Variants in ZNF280C observed in about 807,000 individuals in gnomAD.
The protein encoded by ZNF280C is zinc finger protein 280C, also known as suppressor of hairy wing homolog 3.
Under a neutral mutation model 53.6 loss-of-function variants are expected in ZNF280C, and 14 were observed. The observed-to-expected ratio is 0.26, with a 90% CI of 0.17 to 0.41. The LOEUF (loss-of-function observed/expected upper bound fraction) is 0.41. Ranked by LOEUF, ZNF280C falls within the 10% of genes least tolerant of loss-of-function variation. The pLI, the probability that ZNF280C is intolerant of heterozygous loss-of-function variation, is 1.00. For synonymous variants in ZNF280C, 203 were observed against 181.1 expected (o/e 1.12, Z -0.97); for missense variants, 416 against 547.1 (o/e 0.76, Z 2.39).
At chrX:130,243,973 T>C in intron 3 of ZNF280C, 108 bp from the exon 4 acceptor site, 1 of 491,238 alleles carries the variant, frequency 2.0e-6, no homozygotes, top group Non-Finnish European at 3.1e-6. Context: ...GAAGTATATT[T>C]CTTTCCTTTA....
intron 6 of ZNF280C, among the ~76,000 whole-genome samples, chrX:130,237,167 T>C (rs1412013084): frequency 8.9e-6 from 1 of 111,926 alleles, no homozygotes; most frequent in Non-Finnish European, 1.9e-5. Context: ...AAGTTGGTTC[T>C]TTTTCCACCG....
chrX:130,265,716 C>G (rs1173056856), intron 1 of ZNF280C, among the ~76,000 whole-genome samples: 2 of 112,176 alleles, frequency 1.8e-5, no homozygotes, highest in East Asian at 5.5e-4. Context: ...GTTTTTCTAT[C>G]TGTAAAACGA....
At chrX:130,205,196 G>A in intron 17 of ZNF280C, 43 bp from the exon 18 acceptor site, 1 of 1,136,315 alleles carries the variant, frequency 8.8e-7, no homozygotes, top group Non-Finnish European at 1.2e-6. Flanking sequence ...CATATATGAA[G>A]AGTGAGACTA....
At chrX:130,247,170 G>A (rs181199120) in intron 2 of ZNF280C, among the ~76,000 whole-genome samples, 165 bp from the exon 3 acceptor site, 33 of 112,317 alleles carry the variant, frequency 2.9e-4, no homozygotes, top group Non-Finnish European at 5.8e-4. Flanking sequence ...TTGCCCAGGC[G>A]TGATCTCGGC....
intron 8 of ZNF280C, among the ~76,000 whole-genome samples, chrX:130,232,943 A>T (rs745419750): frequency 5.4e-5 from 6 of 111,808 alleles, no homozygotes; most frequent in Non-Finnish European, 1.1e-4. Context: ...AGCAATCTAA[A>T]TGTCTATTAA....
intron 15 of ZNF280C, among the ~76,000 whole-genome samples, chrX:130,213,536 T>C (rs781751783): frequency 1.5e-4 from 17 of 112,281 alleles, no homozygotes; most frequent in Admixed American, 8.5e-4. Context: ...ATAGCAAGAC[T>C]AAGCATGCCT....
intron 6 of ZNF280C, 54 bp downstream of exon 6, chrX:130,239,528 G>A: frequency 1.4e-6 from 1 of 705,926 alleles, no homozygotes; most frequent in Non-Finnish European, 2.2e-6. Flanking sequence ...AATTCCATAT[G>A]TATATTCGAC....
chrX:130,247,662 T>C (rs1331805228), intron 2 of ZNF280C, among the ~76,000 whole-genome samples: 5 of 111,476 alleles, frequency 4.5e-5, no homozygotes, highest in Non-Finnish European at 9.4e-5. Context: ...GTTTTAGTTA[T>C]AGGACTAGGA....
intron 13 of ZNF280C, among the ~76,000 whole-genome samples, chrX:130,217,527 C>T (rs148081981): frequency 9.0e-6 from 1 of 111,585 alleles, no homozygotes; most frequent in Non-Finnish European, 1.9e-5. Flanking sequence ...GTGATGTTTG[C>T]CCAAATCTGA....
intron 2 of ZNF280C, among the ~76,000 whole-genome samples, chrX:130,252,440 G>A (rs770119805): frequency 9.0e-6 from 1 of 111,460 alleles, no homozygotes; most frequent in Non-Finnish European, 1.9e-5. Context: ...CTCAATAAAC[G>A]GTCAGGTGTG....
intron 12 of ZNF280C, among the ~76,000 whole-genome samples, chrX:130,222,276 C>CACACACACACA (rs2032173349): frequency 2.9e-5 from 2 of 69,937 alleles, no homozygotes; most frequent in Admixed American, 3.3e-4. Flanking sequence ...CATTCAGACA[C>CACACACACACA]CACACACACA....
intron 8 of ZNF280C, among the ~76,000 whole-genome samples, chrX:130,234,323 C>T (rs903545778): frequency 1.1e-4 from 12 of 111,207 alleles, no homozygotes; most frequent in African/African-American, 3.9e-4. Context: ...AAAGGGTGCA[C>T]CCACAATGAA....
intron 2 of ZNF280C, among the ~76,000 whole-genome samples, chrX:130,256,908 AAAAG>A (rs1249575554): frequency 2.8e-5 from 3 of 107,047 alleles, no homozygotes; most frequent in African/African-American, 1.0e-4. Context: ...AAAATAAAAT[AAAAG>A]AAAGAGGGCC....
At chrX:130,245,933 C>T (rs770422487) in intron 3 of ZNF280C, among the ~76,000 whole-genome samples, 151 of 110,415 alleles carry the variant, frequency 1.4e-3, no homozygotes, top group Non-Finnish European at 2.5e-3. Context: ...TACAGGCACG[C>T]GCCACCATGA....
At chrX:130,248,101 C>A (rs201545622) in intron 2 of ZNF280C, among the ~76,000 whole-genome samples, 1 of 97,331 alleles carries the variant, frequency 1.0e-5, no homozygotes, top group Admixed American at 1.2e-4. Context: ...TAAAGAAAAC[C>A]GACAGCCAGG....
At chrX:130,227,315 A>T (rs970919292) in intron 11 of ZNF280C, among the ~76,000 whole-genome samples, 1 of 112,222 alleles carries the variant, frequency 8.9e-6, no homozygotes, top group African/African-American at 3.2e-5. Context: ...AGCCACTTCA[A>T]ATTCTGGAAC....
intron 12 of ZNF280C, among the ~76,000 whole-genome samples, chrX:130,220,796 C>T (rs2032154949): frequency 1.8e-5 from 2 of 111,107 alleles, no homozygotes; most frequent in South Asian, 7.5e-4. Flanking sequence ...TTGACTAAAT[C>T]CCTCCTCAAA....
intron 10 of ZNF280C, 25 bp from the exon 11 acceptor site, chrX:130,227,807 T>C: frequency 1.2e-6 from 1 of 866,273 alleles, no homozygotes; most frequent in Non-Finnish European, 1.7e-6. Context: ...AAACACATTA[T>C]ACCATTTAAG....
intron 1 of ZNF280C, among the ~76,000 whole-genome samples, chrX:130,264,229 C>G (rs994172945): frequency 9.0e-6 from 1 of 110,646 alleles, no homozygotes; most frequent in East Asian, 2.8e-4. Flanking sequence ...CATTTAAATA[C>G]CTGAAGCTAA....
Sources: allele counts gnomAD v4.1 joint callset (sites outside exome capture counted in the v4.1 genomes callset), GRCh38; gene constraint gnomAD v4.1.1; transcripts MANE v1.5; gene names NCBI Gene and HGNC (gene_info 2026-07-23, HGNC 2026-07-21).